SETD3: variants seen among roughly 807,000 people sequenced by gnomAD.
SETD3 encodes actin-histidine N-methyltransferase.
A neutral mutation model predicts 63.0 loss-of-function variants in SETD3; 19 were observed. That is an observed-to-expected ratio of 0.30 (90% CI 0.21 to 0.44). The LOEUF (loss-of-function observed/expected upper bound fraction) is 0.44, where lower values mean the gene tolerates loss of function less well. Ranked by LOEUF, SETD3 falls within the 20% of genes least tolerant of loss-of-function variation. The pLI is 1.00. For missense variants in SETD3, 587 were observed against 728.5 expected (o/e 0.81, Z 2.24); for synonymous variants, 286 against 264.1 (o/e 1.08, Z -0.80).
intron 6 of SETD3, among the ~76,000 whole-genome samples, chr14:99,427,400 T>A (rs1218139765): frequency 6.6e-6 from 1 of 152,224 alleles, no homozygotes; most frequent in Non-Finnish European, 1.5e-5. Flanking sequence ...ATGTAATATT[T>A]ACTGTGCTAC....
At chr14:99,439,741 T>C (rs1414229400) in intron 6 of SETD3, among the ~76,000 whole-genome samples, 3 of 149,094 alleles carry the variant, frequency 2.0e-5, no homozygotes, top group African/African-American at 2.4e-5. Flanking sequence ...TTTTTATACA[T>C]ATAAATGTAT....
At chr14:99,413,806 T>A in intron 7 of SETD3, 70 bp downstream of exon 7, 1 of 1,452,336 alleles carries the variant, frequency 6.9e-7, no homozygotes, top group Non-Finnish European at 9.7e-7. Context: ...AGCCCTTCCC[T>A]CCCTTCCAGG....
chr14:99,461,126 C>A (rs749714053), intron 4 of SETD3, 66 bp downstream of exon 4: 137 of 1,558,130 alleles, frequency 8.8e-5, no homozygotes, highest in Non-Finnish European at 1.1e-4. Context: ...CTTCACCCTG[C>A]GCCCTCTACA....
chr14:99,404,397 T>TGTAGACTTGTTGTGTA, intron 10 of SETD3, 87 bp from the exon 11 acceptor site: 1 of 1,189,276 alleles, frequency 8.4e-7, no homozygotes, highest in Admixed American at 1.8e-5. Flanking sequence ...ACAGCACGTG[T>TGTAGACTTGTTGTGTA]GGTTGTCCTC....
At chr14:99,462,955 T>C (rs569373388) in intron 3 of SETD3, among the ~76,000 whole-genome samples, 4 of 152,314 alleles carry the variant, frequency 2.6e-5, no homozygotes, top group South Asian at 2.1e-4. Flanking sequence ...ATAGGTATAG[T>C]GAATGAGCTT....
intron 8 of SETD3, chr14:99,409,720 G>C (rs1283376971): frequency 7.8e-6 from 1 of 127,596 alleles, no homozygotes; most frequent in Non-Finnish European, 1.6e-5. Flanking sequence ...TTGATTTCAT[G>C]GGGGGGGGGA....
intron 6 of SETD3, among the ~76,000 whole-genome samples, chr14:99,426,543 G>A (rs532863107): frequency 6.6e-6 from 1 of 152,306 alleles, no homozygotes; most frequent in African/African-American, 2.4e-5. Context: ...GGACCCAGCA[G>A]AGAGAGTCCT....
chr14:99,447,549 C>A (rs927670475), intron 6 of SETD3, among the ~76,000 whole-genome samples: 1 of 152,158 alleles, frequency 6.6e-6, no homozygotes, highest in African/African-American at 2.4e-5. Flanking sequence ...ACACTGAACA[C>A]AAATTAATCT....
At chr14:99,430,528 C>T (rs1379337456) in intron 6 of SETD3, among the ~76,000 whole-genome samples, 1 of 152,216 alleles carries the variant, frequency 6.6e-6, no homozygotes, top group Non-Finnish European at 1.5e-5. Context: ...TTACTTGTTC[C>T]TCAGGGTATT....
In SETD3 at chr14:99,436,424, G is replaced by A. The variant is rs1261122411; in HGVS notation, c.675+21855C>T. ...CCTGACAGAAGTGTTAGGCAAGACA[G>A]GGTCAGGCACAGAGCCTGGACATGG... is the stretch of plus-strand genomic sequence containing the variant. On this transcript the variant is annotated intron_variant, in intron 6 of 12. Coordinates refer to ENST00000331768, the MANE Select transcript of SETD3 (RefSeq NM_032233.3). Among the ~76,000 whole-genome samples the A allele has an allele frequency of 2.6e-5, 4 of 152,134 alleles. No individual in the cohort carries two copies. The East Asian group carries it at 7.7e-4, about 29-fold the overall frequency.
At chr14:99,441,923 C>G (rs977744874) in intron 6 of SETD3, among the ~76,000 whole-genome samples, 14 of 152,188 alleles carry the variant, frequency 9.2e-5, no homozygotes, top group African/African-American at 1.9e-4. Context: ...GTGGCCAGGA[C>G]TGGGTGATGG....
intron 4 of SETD3, among the ~76,000 whole-genome samples, chr14:99,460,158 A>G (rs1894989719): frequency 8.1e-6 from 1 of 123,632 alleles, no homozygotes. Context: ...GAAGGAAGAG[A>G]CTGGTTTTTT....
At chr14:99,418,550 G>A (rs928000135) in intron 6 of SETD3, among the ~76,000 whole-genome samples, 2 of 152,062 alleles carry the variant, frequency 1.3e-5, no homozygotes, top group African/African-American at 2.4e-5. Flanking sequence ...AGAGATCTCT[G>A]GTCTGACAAA....
chr14:99,444,278 C>T (rs1245162855), intron 6 of SETD3: 1 of 152,186 alleles, frequency 6.6e-6, no homozygotes, highest in African/African-American at 2.4e-5. Flanking sequence ...ATCTGCCCAG[C>T]ACAAACTTAC....
chr14:99,462,770 T>G (rs1037210024), intron 3 of SETD3, among the ~76,000 whole-genome samples: 2 of 152,160 alleles, frequency 1.3e-5, no homozygotes, highest in African/African-American at 4.8e-5. Flanking sequence ...GGAAGAGCAA[T>G]AAAACCACTA....
In SETD3 at chr14:99,412,965, G is replaced by A; in HGVS notation, c.835C>T (p.His279Tyr). The A allele has an allele frequency of 6.2e-7, 1 of 1,612,020 alleles. No individual in the cohort carries two copies. The highest frequency in any genetic ancestry group is 8.5e-7 in the Non-Finnish European group (1 of 1,178,106). Residue 279 changes from histidine to tyrosine, a missense_variant, in exon 8 of 13, where the codon CAC becomes TAC. Coordinates refer to ENST00000331768, the MANE Select transcript of SETD3 (RefSeq NM_032233.3). ...GAGGTCGTTACCAGGCCGTTGGTGT[G>A]GTTACACATATCCCATAAAGGAATC... ...ALIPLWDMCN[H>Y]TNGLITTGYN...
At chr14:99,454,292 C>CCAACCTCCCACTT (rs1016984239) in intron 6 of SETD3, among the ~76,000 whole-genome samples, 1 of 152,026 alleles carries the variant, frequency 6.6e-6, no homozygotes, top group Non-Finnish European at 1.5e-5. Context: ...TAGGCTCAAG[C>CCAACCTCCCACTT]CAACCTCCCA....
At chr14:99,436,120 C>T (rs899985677) in intron 6 of SETD3, among the ~76,000 whole-genome samples, 19 of 152,232 alleles carry the variant, frequency 1.2e-4, no homozygotes, top group African/African-American at 4.3e-4. Context: ...ATCACAAGAA[C>T]AACATGGGGG....
intron 6 of SETD3, among the ~76,000 whole-genome samples, chr14:99,449,202 A>C (rs1313136757): frequency 6.6e-6 from 1 of 152,226 alleles, no homozygotes; most frequent in Non-Finnish European, 1.5e-5. Flanking sequence ...GAAAATCACC[A>C]CTTGGCAAAC....
Sources: gnomAD v4.1 joint callset for allele counts (sites outside exome capture counted in the v4.1 genomes callset) on GRCh38, gnomAD v4.1.1 for gene constraint, MANE v1.5 for transcripts, NCBI Gene and HGNC (gene_info 2026-07-23, HGNC 2026-07-21) for gene names.